TMEM132B: variants seen among roughly 807,000 people sequenced by gnomAD.
TMEM132B encodes the protein transmembrane protein 132B.
A neutral mutation model predicts 90.8 loss-of-function variants in TMEM132B; 18 were observed. The ratio of observed to expected loss-of-function variants is 0.20; its 90% CI spans 0.14 to 0.29. TMEM132B has a LOEUF of 0.29. TMEM132B is among the 10% of genes least tolerant of loss of function. The probability of loss-of-function intolerance (pLI) is 1.00; values close to 1 mark genes in which losing one functional copy is unlikely to be tolerated. For missense variants in TMEM132B, 1,096 were observed against 1,326.8 expected (o/e 0.83, Z 2.70); for synonymous variants, 504 against 523.3 (o/e 0.96, Z 0.50).
chr12:125,205,450 G>A (rs888271666), intron 1 of TMEM132B, among the ~76,000 whole-genome samples: 2 of 152,056 alleles, frequency 1.3e-5, no homozygotes, highest in African/African-American at 4.8e-5. Flanking sequence ...GTCAGGGACT[G>A]TCCTTAGCCC....
intron 1 of TMEM132B, among the ~76,000 whole-genome samples, chr12:125,254,547 C>T (rs1874389450): frequency 6.6e-6 from 1 of 152,158 alleles, no homozygotes; most frequent in Non-Finnish European, 1.5e-5. Context: ...CCTTACCCAT[C>T]ACCTACACAA....
intron 1 of TMEM132B, among the ~76,000 whole-genome samples, chr12:125,339,281 C>G (rs1314257833): frequency 6.6e-6 from 1 of 152,156 alleles, no homozygotes; most frequent in African/African-American, 2.4e-5. Flanking sequence ...AGTCCAAGAC[C>G]AAGGTGCCAG....
At chr12:125,512,107 C>A (rs140806116) in intron 3 of TMEM132B, among the ~76,000 whole-genome samples, 57 of 152,222 alleles carry the variant, frequency 3.7e-4, no homozygotes, top group African/African-American at 1.3e-3. Flanking sequence ...GCAAAAGGTG[C>A]CTACTAGGGA....
At chr12:125,570,090 G>A (rs991273053) in intron 4 of TMEM132B, among the ~76,000 whole-genome samples, 5 of 152,080 alleles carry the variant, frequency 3.3e-5, no homozygotes, top group Non-Finnish European at 5.9e-5. Context: ...ATTCGGCTAC[G>A]TTTGAGATCC....
At chr12:125,282,039 AAAAAAAAAAAAAAAAAAAAAAGAG>A (rs1277728834) in intron 1 of TMEM132B, among the ~76,000 whole-genome samples, 4 of 102,884 alleles carry the variant, frequency 3.9e-5, no homozygotes, top group African/African-American at 1.5e-4. Flanking sequence ...AAAAAAAAAA[AAAAAAAAAAAAAAAAAAAAAAGAG>A]AGACTTTTGA....
chr12:125,448,276 G>A (rs1372953597), intron 3 of TMEM132B, among the ~76,000 whole-genome samples: 1 of 151,974 alleles, frequency 6.6e-6, no homozygotes, highest in African/African-American at 2.4e-5. Flanking sequence ...ATTTTGATGA[G>A]TTTTGACAAA....
At position 125,490,243 on chromosome 12, in the gene TMEM132B, T is replaced by C. The variant is rs530226570; in HGVS notation, c.1107-29196T>C. ...ATTAAATTCTCATATAACTTGGCAATGTAGATGTTATCCTCATTTACAGAT... is the reference window on the plus strand; with the variant it reads ...ATTAAATTCTCATATAACTTGGCAACGTAGATGTTATCCTCATTTACAGAT... On this transcript the variant is annotated intron_variant, in intron 3 of 8. Transcript: ENST00000682704. The surrounding 1 kb of genome is among the most constrained non-coding windows in gnomAD (Gnocchi z 4.2). Among the ~76,000 whole-genome samples the C allele has an allele frequency of 1.3e-5, 2 of 152,216 alleles. No homozygotes were observed. Among genetic ancestry groups the C allele is most frequent in the South Asian group, 2.1e-4 (1 of 4,822 alleles).
chr12:125,580,023 G>C (rs746089531), intron 4 of TMEM132B, among the ~76,000 whole-genome samples: 2 of 152,064 alleles, frequency 1.3e-5, no homozygotes, highest in African/African-American at 4.8e-5. Flanking sequence ...TGGTTAGCTT[G>C]GTGGTCAGCC....
chr12:125,619,719 C>T (rs1886076201), intron 5 of TMEM132B, among the ~76,000 whole-genome samples: 2 of 152,174 alleles, frequency 1.3e-5, no homozygotes, highest in Admixed American at 6.5e-5. Flanking sequence ...GATTTATAGT[C>T]TATTCTGAAG....
chr12:125,619,330 ATATTTATTTATTTATTTATT>A (rs58234813), intron 5 of TMEM132B, among the ~76,000 whole-genome samples: 11,728 of 139,778 alleles, frequency 0.084, 1,134 homozygotes, highest in African/African-American at 0.23. Flanking sequence ...GCATTTATTT[ATATTTATTTATTTATTTATT>A]TATTTATTTA....
At chr12:125,352,129 T>C (rs1275783817) in intron 2 of TMEM132B, among the ~76,000 whole-genome samples, 2 of 152,234 alleles carry the variant, frequency 1.3e-5, no homozygotes, top group African/African-American at 4.8e-5. Context: ...CAAGTGCTTC[T>C]TCTTCAGGAA....
intron 5 of TMEM132B, among the ~76,000 whole-genome samples, chr12:125,591,422 T>C (rs1885315324): frequency 6.6e-6 from 1 of 152,104 alleles, no homozygotes; most frequent in African/African-American, 2.4e-5. Context: ...GCTAATTCCA[T>C]CATCACATCG....
chr12:125,308,079 T>C lies in TMEM132B; in HGVS notation c.68-41373T>C, dbSNP rs145924809. On this transcript the variant is annotated intron_variant, in intron 1 of 8. Coordinates refer to ENST00000682704, the MANE Select transcript of TMEM132B (RefSeq NM_001366854.1). ...ATATATGTATAATACAAGTATATTA[T>C]AAGTATATATACTTACAATACAAGT... Among the ~76,000 whole-genome samples, 716 of 136,412 alleles carry C rather than the reference T, an allele frequency of 5.2e-3. 5 individuals are homozygous for C. Among genetic ancestry groups the C allele is most frequent in the South Asian group, 8.2e-3 (36 of 4,378 alleles). The allele number at this position is 136,412 out of a possible 152,430, so 89.5% of individuals were successfully genotyped here.
At position 125,315,173 on chromosome 12, in the gene TMEM132B, C is replaced by T. The variant is rs760524444; in HGVS notation, c.68-34279C>T. 7.2e-5 allele frequency among the ~76,000 whole-genome samples: 11 copies of T among 152,254 alleles called. No individual in the cohort carries two copies. In the South Asian group the frequency reaches 1.0e-3, roughly 14 times the overall value. On this transcript the variant is annotated intron_variant, in intron 1 of 8. Coordinates refer to ENST00000682704, the MANE Select transcript of TMEM132B (RefSeq NM_001366854.1). The stretch of plus-strand genomic sequence containing the variant: ...AATCCAGCTGATGATGCTGTGCCTA[C>T]GCGAAGGCGCATAACAGTAGAAATT...
intron 4 of TMEM132B, among the ~76,000 whole-genome samples, chr12:125,548,310 C>G (rs1198254695): frequency 6.6e-6 from 1 of 152,214 alleles, no homozygotes; most frequent in Non-Finnish European, 1.5e-5. Flanking sequence ...TACCTCCTAT[C>G]ATGTTGCAGA....
intron 4 of TMEM132B, among the ~76,000 whole-genome samples, chr12:125,526,514 G>A (rs769451539): frequency 5.9e-5 from 9 of 152,220 alleles, no homozygotes; most frequent in Admixed American, 3.3e-4. Flanking sequence ...GGCAGTTGAA[G>A]CATCTGCACT....
At chr12:125,254,117 C>T (rs1874375778) in intron 1 of TMEM132B, among the ~76,000 whole-genome samples, 1 of 152,038 alleles carries the variant, frequency 6.6e-6, no homozygotes, top group Admixed American at 6.5e-5. Context: ...TAGTGAGACC[C>T]CATCTCTACA....
rs182596769 is a variant in TMEM132B, at chr12:125,291,919, T to C, written c.68-57533T>C. Among the ~76,000 whole-genome samples the C allele has an allele frequency of 1.3e-3, 200 of 152,362 alleles. 1 individual carries two copies. The highest frequency in any genetic ancestry group is 5.1e-3 in the Admixed American group (78 of 15,304). On this transcript the variant is annotated intron_variant, in intron 1 of 8. Transcript: ENST00000682704. ...TTCCCAAATTGAAACTCTGTCTGTA[T>C]TAAAATTCACATTGTTTTAAGTTGC...
chr12:125,603,766 C>T (rs767692346), intron 5 of TMEM132B, among the ~76,000 whole-genome samples: 1 of 151,922 alleles, frequency 6.6e-6, no homozygotes, highest in Non-Finnish European at 1.5e-5. Flanking sequence ...AAAAACAACC[C>T]TATTGAAAAG....
Sources: gnomAD v4.1 joint callset for allele counts (sites outside exome capture counted in the v4.1 genomes callset) on GRCh38, gnomAD v4.1.1 for gene constraint, Gnocchi (gnomAD v3.1) non-coding constraint, MANE v1.5 for transcripts, NCBI Gene and HGNC (gene_info 2026-07-23, HGNC 2026-07-21) for gene names.